SLC2A13: variants seen among roughly 807,000 people sequenced by gnomAD.
SLC2A13 encodes the protein proton myo-inositol cotransporter.
A neutral mutation model predicts 64.4 loss-of-function variants in SLC2A13; 32 were observed. The ratio of observed to expected loss-of-function variants is 0.50; its 90% CI spans 0.37 to 0.67. The LOEUF (loss-of-function observed/expected upper bound fraction) is 0.67, where lower values mean the gene tolerates loss of function less well. SLC2A13 is among the 30% of genes least tolerant of loss of function. SLC2A13 has a pLI of 0.00. For missense variants in SLC2A13, 743 were observed against 829.2 expected (o/e 0.90, Z 1.28); for synonymous variants, 338 against 327.1 (o/e 1.03, Z -0.36).
chr12:39,873,745 A>G (rs1049064865), intron 4 of SLC2A13, among the ~76,000 whole-genome samples: 1 of 152,208 alleles, frequency 6.6e-6, no homozygotes, highest in African/African-American at 2.4e-5. Context: ...GTAGTATAAA[A>G]CAGAATAAGT....
At chr12:39,877,942 AAATCATG>A (rs1944233695) in intron 4 of SLC2A13, among the ~76,000 whole-genome samples, 1 of 152,114 alleles carries the variant, frequency 6.6e-6, no homozygotes, top group Admixed American at 6.5e-5. Context: ...GTTTGGTGCT[AAATCATG>A]AGATTTGGTC....
At chr12:39,911,362 G>A (rs1945426219) in intron 4 of SLC2A13, among the ~76,000 whole-genome samples, 1 of 152,014 alleles carries the variant, frequency 6.6e-6, no homozygotes, top group Non-Finnish European at 1.5e-5. Flanking sequence ...CTATTTTGTT[G>A]TTTGGTCACT....
At chr12:40,026,255 C>T (rs1027507263) in intron 3 of SLC2A13, among the ~76,000 whole-genome samples, 3 of 152,148 alleles carry the variant, frequency 2.0e-5, no homozygotes, top group Non-Finnish European at 4.4e-5. Context: ...AGAATATTTA[C>T]TCAAGCATGA....
chr12:39,988,677 AGAAGGGAGGGAGGGAGGAAG>A (rs1349361104), intron 3 of SLC2A13, among the ~76,000 whole-genome samples: 35 of 76,540 alleles, frequency 4.6e-4, no homozygotes, highest in Non-Finnish European at 6.3e-4. Context: ...GAGGGAGGGA[AGAAGGGAGGGAGGGAGGAAG>A]GAAGGAAGGA....
chr12:40,025,551 G>A (rs1013046108), intron 3 of SLC2A13, among the ~76,000 whole-genome samples: 3 of 152,210 alleles, frequency 2.0e-5, no homozygotes, highest in Non-Finnish European at 1.5e-5. Context: ...TTATTAGTAA[G>A]CTCAATGCGA....
chr12:39,761,825 G>A (rs796098811), intron 9 of SLC2A13, among the ~76,000 whole-genome samples: 4 of 152,160 alleles, frequency 2.6e-5, no homozygotes, highest in African/African-American at 9.6e-5. Context: ...TACAAAATCT[G>A]TAACAGCAAA....
At chr12:40,097,772 T>G (rs1939001626) in intron 1 of SLC2A13, among the ~76,000 whole-genome samples, 1 of 152,208 alleles carries the variant, frequency 6.6e-6, no homozygotes, top group Non-Finnish European at 1.5e-5. Context: ...TGTATACTGC[T>G]GGTAGCAATG....
intron 1 of SLC2A13, among the ~76,000 whole-genome samples, chr12:40,094,712 A>G (rs1395475217): frequency 6.6e-6 from 1 of 152,250 alleles, no homozygotes; most frequent in Admixed American, 6.5e-5. Flanking sequence ...TTTATGTAAA[A>G]TAAAGGAGAC....
chr12:40,076,149 TTA>T (rs1033810861), intron 1 of SLC2A13, among the ~76,000 whole-genome samples: 1 of 152,190 alleles, frequency 6.6e-6, no homozygotes, highest in Non-Finnish European at 1.5e-5. Context: ...ATGTTGGATA[TTA>T]TGTTTTCATT....
At chr12:39,949,830 G>T (rs1251411623) in intron 4 of SLC2A13, 1 of 152,182 alleles carries the variant, frequency 6.6e-6, no homozygotes, top group Non-Finnish European at 1.5e-5. Flanking sequence ...ATTATTTGAT[G>T]CTTGGTCCTA....
chr12:39,777,557 C>T (rs1238395458), intron 7 of SLC2A13, among the ~76,000 whole-genome samples: 1 of 152,172 alleles, frequency 6.6e-6, no homozygotes, highest in Non-Finnish European at 1.5e-5. Flanking sequence ...TGTTTTCCTG[C>T]ACAAATGTTG....
At chr12:39,905,873 C>A (rs1945261499) in intron 4 of SLC2A13, among the ~76,000 whole-genome samples, 2 of 150,510 alleles carry the variant, frequency 1.3e-5, no homozygotes, top group Admixed American at 1.3e-4. Context: ...CTGTCTCTCA[C>A]AGATGAGATG....
chr12:39,775,479 C>G (rs1325547301), intron 7 of SLC2A13, among the ~76,000 whole-genome samples: 1 of 152,328 alleles, frequency 6.6e-6, no homozygotes, highest in Non-Finnish European at 1.5e-5. Context: ...CAGAGGAGCC[C>G]TGAACTCTGC....
At chr12:39,808,850 C>A (rs1942057356) in intron 7 of SLC2A13, among the ~76,000 whole-genome samples, 1 of 152,010 alleles carries the variant, frequency 6.6e-6, no homozygotes, top group Non-Finnish European at 1.5e-5. Flanking sequence ...AATAATACTT[C>A]CGGTCTGTGG....
intron 6 of SLC2A13, among the ~76,000 whole-genome samples, chr12:39,844,686 G>A (rs1308949824): frequency 2.6e-5 from 4 of 152,028 alleles, no homozygotes; most frequent in Non-Finnish European, 5.9e-5. Context: ...AGCTTTCAAT[G>A]CTACTTCAAG....
chr12:39,993,529 C>T (rs2136170132), intron 3 of SLC2A13, among the ~76,000 whole-genome samples: 1 of 152,314 alleles, frequency 6.6e-6, no homozygotes, highest in East Asian at 1.9e-4. Flanking sequence ...AACTGCAGAA[C>T]AATGAGCTAG....
chr12:39,875,087 T>C (rs1764283087), intron 4 of SLC2A13, among the ~76,000 whole-genome samples: 1 of 152,336 alleles, frequency 6.6e-6, no homozygotes, highest in African/African-American at 2.4e-5. Context: ...GTTGCTGCCA[T>C]GACAAATTAC....
chr12:39,875,275 C>G (rs1944153557), intron 4 of SLC2A13, among the ~76,000 whole-genome samples: 1 of 152,176 alleles, frequency 6.6e-6, no homozygotes, highest in Admixed American at 6.5e-5. Flanking sequence ...TTAGAGGTCT[C>G]CTAATTCCCT....
chr12:39,809,658 C>T (rs1230884458), intron 7 of SLC2A13, among the ~76,000 whole-genome samples: 1 of 152,080 alleles, frequency 6.6e-6, no homozygotes, highest in Non-Finnish European at 1.5e-5. Context: ...CTTTCCCCAT[C>T]CCCCCACCCC....
Sources: allele counts gnomAD v4.1 joint callset (sites outside exome capture counted in the v4.1 genomes callset), GRCh38; gene constraint gnomAD v4.1.1; transcripts MANE v1.5; gene names NCBI Gene and HGNC (gene_info 2026-07-23, HGNC 2026-07-21).